The following PRICKLE2 variants were observed in gnomAD, a reference collection of about 807,000 sequenced individuals.
PRICKLE2 encodes the protein prickle planar cell polarity protein 2, also known as prickle-like protein 2.
A neutral mutation model predicts 81.4 loss-of-function variants in PRICKLE2; 21 were observed. The ratio of observed to expected loss-of-function variants is 0.26; its 90% CI spans 0.18 to 0.37. PRICKLE2 has a LOEUF of 0.37. Ranked by LOEUF, PRICKLE2 falls within the 10% of genes least tolerant of loss-of-function variation. The pLI is 1.00. For synonymous variants in PRICKLE2, 456 were observed against 421.5 expected, an observed-to-expected ratio of 1.08 and a Z score of -1.00; for missense variants, 940 against 1,109.0, an observed-to-expected ratio of 0.85 and a Z score of 2.16.
intron 2 of PRICKLE2, among the ~76,000 whole-genome samples, chr3:64,166,943 CGGAT>C (rs1435115004): frequency 4.6e-5 from 7 of 152,104 alleles, no homozygotes; most frequent in African/African-American, 1.2e-4. Context: ...AGGGGATTAA[CGGAT>C]GGATGGGAGG....
At chr3:64,146,276 T>G (rs2077448912) in intron 7 of PRICKLE2, 1 of 162,752 alleles carries the variant, frequency 6.1e-6, no homozygotes, top group East Asian at 1.7e-4. Context: ...CTCTGTCCTC[T>G]TTCTCTCACT....
chr3:64,201,865 C>T (rs1001252929), intron 1 of PRICKLE2, among the ~76,000 whole-genome samples: 5 of 152,078 alleles, frequency 3.3e-5, no homozygotes, highest in Non-Finnish European at 7.4e-5. Context: ...AGATTTATGG[C>T]TTTGGCTCTT....
At chr3:64,128,145 A>G (rs1575568864) in intron 7 of PRICKLE2, among the ~76,000 whole-genome samples, 1 of 152,092 alleles carries the variant, frequency 6.6e-6, no homozygotes, top group Non-Finnish European at 1.5e-5. Context: ...TGGCAGGAGG[A>G]GTCACAGTGT....
intron 2 of PRICKLE2, among the ~76,000 whole-genome samples, chr3:64,195,938 G>C (rs112862434): frequency 6.6e-6 from 1 of 152,106 alleles, no homozygotes. Context: ...ACCATCCAAA[G>C]AACAACAGAA....
intron 2 of PRICKLE2, among the ~76,000 whole-genome samples, chr3:64,266,153 T>C (rs2079704691): frequency 6.6e-6 from 1 of 151,806 alleles, no homozygotes; most frequent in African/African-American, 2.4e-5. Flanking sequence ...CTCCTGGTAA[T>C]TTCCTGCAGA....
At chr3:64,175,041 T>TA (rs1262284201) in intron 2 of PRICKLE2, 7 of 157,600 alleles carry the variant, frequency 4.4e-5, no homozygotes, top group South Asian at 1.8e-4. Context: ...TTCCAGTTTG[T>TA]AAAAAAAACC....
chr3:64,234,489 T>C (rs113004512), intron 2 of PRICKLE2, among the ~76,000 whole-genome samples: 3 of 152,194 alleles, frequency 2.0e-5, no homozygotes, highest in African/African-American at 4.8e-5. Context: ...AATTTTTTGC[T>C]CATTTTAAAA....
chr3:64,135,512 G>A (rs888391300), intron 7 of PRICKLE2, among the ~76,000 whole-genome samples: 3 of 152,038 alleles, frequency 2.0e-5, no homozygotes, highest in Non-Finnish European at 4.4e-5. Flanking sequence ...AAAACACTAC[G>A]TGTTTTCTTA....
Position 64,224,916 on chromosome 3 carries a change from G to C in PRICKLE2, c.-47C>G. ...GAGCAAATTTCTTACCCACCTCCAGGGAGGATGAAATGCCCAGTCTCGGAG... is the reference window on the plus strand; with the variant it reads ...GAGCAAATTTCTTACCCACCTCCAGCGAGGATGAAATGCCCAGTCTCGGAG... On this transcript the variant is annotated 5_prime_UTR_variant, in exon 1 of 8. Transcript: ENST00000638394. The C allele has an allele frequency of 2.0e-6, 2 of 985,082 alleles. No homozygotes were observed. The highest frequency in any genetic ancestry group is 2.4e-6 in the Non-Finnish European group (2 of 829,890). The allele number at this position is 985,082 out of a possible 1,614,324, so 61.0% of individuals were successfully genotyped here.
chr3:64,124,934 A>AC (rs1229490279), intron 7 of PRICKLE2, among the ~76,000 whole-genome samples: 1 of 152,232 alleles, frequency 6.6e-6, no homozygotes, highest in Non-Finnish European at 1.5e-5. Context: ...AATAAATCTC[A>AC]CAGGGCTGCA....
chr3:64,191,210 G>A (rs763217643), intron 2 of PRICKLE2, among the ~76,000 whole-genome samples: 3 of 152,132 alleles, frequency 2.0e-5, no homozygotes, highest in Admixed American at 6.5e-5. Context: ...TGCTTAATCC[G>A]CCTTCTCCAT....
At chr3:64,239,717 T>G (rs2079233889) in intron 2 of PRICKLE2, among the ~76,000 whole-genome samples, 1 of 152,154 alleles carries the variant, frequency 6.6e-6, no homozygotes, top group Non-Finnish European at 1.5e-5. Context: ...TTATCACAGA[T>G]AAGAAAACTG....
chr3:64,263,871 G>A (rs1246222371), intron 2 of PRICKLE2, among the ~76,000 whole-genome samples: 2 of 152,142 alleles, frequency 1.3e-5, no homozygotes, highest in African/African-American at 4.8e-5. Flanking sequence ...TTGTTGCCAC[G>A]AGGGCCTCTG....
At chr3:64,204,562 GAAC>G (rs79433924) in intron 1 of PRICKLE2, among the ~76,000 whole-genome samples, 137 of 150,538 alleles carry the variant, frequency 9.1e-4, no homozygotes, top group Admixed American at 1.7e-3. Context: ...TTTTACTTCT[GAAC>G]AACAACAACA....
rs1033616850 is a variant in PRICKLE2 at position 64,244,679 on chromosome 3, C to T, written c.129-45712G>A. Reference sequence around the variant, plus strand: ...GAGACAGGGAGAGAGAGACAGAAAGCGAAAAAATGGGAATGGATATATTCA... The same window carrying T: ...GAGACAGGGAGAGAGAGACAGAAAGTGAAAAAATGGGAATGGATATATTCA... On this transcript the variant is annotated intron_variant, in intron 2 of 8. Coordinates refer to the PRICKLE2 transcript ENST00000295902. Among the ~76,000 whole-genome samples the T allele has an allele frequency of 4.7e-5, 7 of 149,852 alleles. No individual in the cohort carries two copies. In the East Asian group the frequency reaches 1.2e-3, roughly 25 times the overall value.
At chr3:64,199,096 G>T in intron 1 of PRICKLE2, 129 bp from the exon 2 acceptor site, 1 of 790,364 alleles carries the variant, frequency 1.3e-6, no homozygotes, top group Non-Finnish European at 2.1e-6. Flanking sequence ...TCGGGCAAAG[G>T]CATCGCGAGC....
intron 7 of PRICKLE2, among the ~76,000 whole-genome samples, chr3:64,142,749 G>C (rs994028857): frequency 6.6e-6 from 1 of 152,118 alleles, no homozygotes; most frequent in African/African-American, 2.4e-5. Flanking sequence ...AAAAGTCGCA[G>C]GTAACCATTA....
Position 64,099,971 on chromosome 3 carries a change from G to T in PRICKLE2, c.1661-46C>A. ...CCACAGAGATTAATACAGATGTGCAGCAATGGGTATCACTGTCACTGCTGG... is the reference window on the plus strand; with the variant it reads ...CCACAGAGATTAATACAGATGTGCATCAATGGGTATCACTGTCACTGCTGG... On this transcript the variant is annotated intron_variant, in intron 7 of 7. Transcript: ENST00000638394. The surrounding 1 kb of genome is among the most constrained non-coding windows in gnomAD (Gnocchi z 4.3). 2 of 1,590,008 alleles carry T rather than the reference G, an allele frequency of 1.3e-6. No individual in the cohort carries two copies. The highest frequency in any genetic ancestry group is 8.6e-7 in the Non-Finnish European group (1 of 1,159,598).
Position 64,132,261 on chromosome 3 carries a change from A to G in PRICKLE2, c.1660+14569T>C, listed in dbSNP as rs1161656418. On this transcript the variant is annotated intron_variant, in intron 7 of 7. Coordinates refer to ENST00000638394, the MANE Select transcript of PRICKLE2 (RefSeq NM_198859.4). ...AATCTGTCCTTCTCTGTGTGTTTGT[A>G]GGTCCCCTCCTACATTATAAGCCAT... Among the ~76,000 whole-genome samples, 5 of 152,088 alleles carry G rather than the reference A, an allele frequency of 3.3e-5. 1 individual carries two copies. Among genetic ancestry groups the G allele is most frequent in the South Asian group, 4.2e-4 (2 of 4,818 alleles).
Sources: allele counts gnomAD v4.1 joint callset (sites outside exome capture counted in the v4.1 genomes callset), GRCh38; gene constraint gnomAD v4.1.1; non-coding constraint Gnocchi (gnomAD v3.1); transcripts MANE v1.5; gene names NCBI Gene and HGNC (gene_info 2026-07-23, HGNC 2026-07-21).